EPC2: variants seen among roughly 807,000 people sequenced by gnomAD.
EPC2 encodes enhancer of polycomb homolog 2.
Under a neutral mutation model 92.1 loss-of-function variants are expected in EPC2, and 14 were observed. The ratio of observed to expected loss-of-function variants is 0.15; its 90% confidence interval spans 0.10 to 0.24. The LOEUF is 0.24. EPC2 is among the 10% of genes least tolerant of loss of function. The pLI is 1.00. For missense variants in EPC2, 755 were observed against 971.5 expected (o/e 0.78, Z 2.96); for synonymous variants, 340 against 334.7 (o/e 1.02, Z -0.17).
chr2:148,682,778 G>C (rs1241819466), intron 1 of EPC2, among the ~76,000 whole-genome samples: 2 of 152,070 alleles, frequency 1.3e-5, no homozygotes, highest in Admixed American at 6.5e-5. Context: ...ATGGCCAATC[G>C]TGTTTTGTCT....
intron 1 of EPC2, among the ~76,000 whole-genome samples, chr2:148,675,321 C>T (rs78398934): frequency 6.6e-6 from 1 of 151,820 alleles, no homozygotes; most frequent in Non-Finnish European, 1.5e-5. Flanking sequence ...TAAAATTTTT[C>T]GTATCCCTAA....
chr2:148,698,406 G>A (rs1681796166), intron 2 of EPC2, among the ~76,000 whole-genome samples: 1 of 152,166 alleles, frequency 6.6e-6, no homozygotes, highest in East Asian at 1.9e-4. Context: ...GGGAGGCTGA[G>A]GCGGGTGGAT....
At position 148,744,996 on chromosome 2, in the gene EPC2, C is replaced by CCCG. The variant is rs1553448435; in HGVS notation, c.459+1231_459+1232insGCC. 7.4e-5 allele frequency among the ~76,000 whole-genome samples: 9 copies of CCCG among 122,228 alleles called. 2 individuals carry two copies. The highest frequency in any genetic ancestry group is 1.5e-4 in the Non-Finnish European group (8 of 52,354). 80.2% of individuals were successfully genotyped at this position (122,228 alleles called of 152,430 possible). ...TATTTAGCCTATCAGTTTGCCCCCC[C>CCCG]CCCCCGCACCATTTTGATGAAAAAT... On this transcript the variant is annotated intron_variant, in intron 3 of 13. Transcript: ENST00000258484.
chr2:148,767,613 C>A (rs968383200), intron 7 of EPC2, among the ~76,000 whole-genome samples: 1 of 152,122 alleles, frequency 6.6e-6, no homozygotes, highest in African/African-American at 2.4e-5. Context: ...TCATATTTTT[C>A]TTTGTCTAAT....
intron 2 of EPC2, among the ~76,000 whole-genome samples, chr2:148,714,461 G>A (rs1318302393): frequency 1.3e-5 from 2 of 152,126 alleles, no homozygotes; most frequent in African/African-American, 4.8e-5. Flanking sequence ...TGGTATTTCT[G>A]CCTCTAGGTC....
chr2:148,706,884 C>T (rs1682011747), intron 2 of EPC2, among the ~76,000 whole-genome samples: 1 of 152,182 alleles, frequency 6.6e-6, no homozygotes, highest in Non-Finnish European at 1.5e-5. Context: ...GTATCAGCCA[C>T]TGCAAAAACA....
chr2:148,761,712 G>A (rs1683303273), intron 4 of EPC2, 70 bp from the exon 5 acceptor site: 3 of 1,125,214 alleles, frequency 2.7e-6, no homozygotes, highest in Non-Finnish European at 3.6e-6. Context: ...TCTGATAAGA[G>A]TTTATTGAAT....
chr2:148,690,190 T>C (rs376659919), intron 1 of EPC2, 24 bp from the exon 2 acceptor site: 19 of 1,569,126 alleles, frequency 1.2e-5, no homozygotes, highest in Non-Finnish European at 1.5e-5. Context: ...AAACAACTTA[T>C]GTTGCCTACT....
In EPC2 at chr2:148,769,208, T is replaced by C; in HGVS notation, c.1198T>C (p.Phe400Leu). The C allele has an allele frequency of 1.9e-6, 3 of 1,612,452 alleles. No homozygotes were observed. Among genetic ancestry groups the C allele is most frequent in the Non-Finnish European group, 1.7e-6 (2 of 1,179,274 alleles). ...EENDPDGPCAFRRRAGCQYYA... is the reference protein window; with the variant it reads ...EENDPDGPCALRRRAGCQYYA... ...AAATGATCCTGATGGTCCCTGTGCT[T>C]TCAGAAGGCGGGCAGGATGCCAGTA... The change falls in exon 8 of 14, where the codon TTC becomes CTC. Residue 400 changes from phenylalanine (F) to leucine (L), a missense_variant. This residue lies in a region of EPC2 where 509 missense variants were observed against 607.7 expected (regional missense o/e 0.84). Transcript: ENST00000258484.
chr2:148,662,969 T>C (rs1365092599), intron 1 of EPC2, among the ~76,000 whole-genome samples: 1 of 151,828 alleles, frequency 6.6e-6, no homozygotes, highest in Admixed American at 6.6e-5. Context: ...TGGCTGAGAA[T>C]AGTGATTCAG....
At chr2:148,646,481 A>C (rs1683803696) in intron 1 of EPC2, among the ~76,000 whole-genome samples, 1 of 152,132 alleles carries the variant, frequency 6.6e-6, no homozygotes, top group Non-Finnish European at 1.5e-5. Context: ...ATAGATATAT[A>C]TACACGCACA....
intron 5 of EPC2, among the ~76,000 whole-genome samples, chr2:148,762,391 T>G (rs982923051): frequency 6.6e-6 from 1 of 152,098 alleles, no homozygotes; most frequent in Non-Finnish European, 1.5e-5. Context: ...TTTTGTATGA[T>G]TCCTGGAGTA....
At position 148,647,976 on chromosome 2, in the gene EPC2, A is replaced by G. The variant is rs1244875366; in HGVS notation, c.153+2806A>G. 2.6e-5 allele frequency among the ~76,000 whole-genome samples: 4 copies of G among 152,338 alleles called. No individual in the cohort carries two copies. In the East Asian group the frequency reaches 7.7e-4, roughly 29 times the overall value. On this transcript the variant is annotated intron_variant, in intron 1 of 13. Coordinates refer to ENST00000258484, the MANE Select transcript of EPC2 (RefSeq NM_015630.4). ...AGCTCTTTTAGAAAGAATTATTTTC[A>G]AACTAGAGCATGAGTGCTAAACTTG...
intron 10 of EPC2, among the ~76,000 whole-genome samples, chr2:148,776,710 G>A (rs1683651124): frequency 1.3e-5 from 2 of 152,074 alleles, no homozygotes; most frequent in African/African-American, 4.8e-5. Flanking sequence ...ATATCTTTGA[G>A]AAAGCATATA....
intron 10 of EPC2, among the ~76,000 whole-genome samples, chr2:148,776,222 T>A (rs1461786952): frequency 6.6e-6 from 1 of 152,246 alleles, no homozygotes; most frequent in African/African-American, 2.4e-5. Flanking sequence ...ATTGATATAA[T>A]GTGATTTAAC....
intron 2 of EPC2, among the ~76,000 whole-genome samples, chr2:148,713,587 G>A (rs1328818809): frequency 6.6e-6 from 1 of 152,086 alleles, no homozygotes; most frequent in Non-Finnish European, 1.5e-5. Flanking sequence ...TTTGCATTCA[G>A]TCACCCCTCA....
chr2:148,755,342 A>G (rs967736211), intron 4 of EPC2, among the ~76,000 whole-genome samples: 1 of 152,180 alleles, frequency 6.6e-6, no homozygotes, highest in Non-Finnish European at 1.5e-5. Context: ...AATGTGGACT[A>G]TTGGACATGA....
At chr2:148,677,138 C>T (rs181562748) in intron 1 of EPC2, among the ~76,000 whole-genome samples, 5 of 152,280 alleles carry the variant, frequency 3.3e-5, no homozygotes, top group African/African-American at 1.2e-4. Flanking sequence ...TTATATGAAA[C>T]ACAGTCCTCT....
intron 1 of EPC2, among the ~76,000 whole-genome samples, chr2:148,676,375 T>C (rs1028464718): frequency 6.6e-6 from 1 of 151,940 alleles, no homozygotes; most frequent in Non-Finnish European, 1.5e-5. Flanking sequence ...CTATAAGAAG[T>C]GATTTTGTGT....
Sources: gnomAD v4.1 joint callset for allele counts (sites outside exome capture counted in the v4.1 genomes callset) on GRCh38, gnomAD v4.1.1 for gene constraint, gnomAD v4.1.1 regional missense constraint, MANE v1.5 for transcripts, NCBI Gene and HGNC (gene_info 2026-07-23, HGNC 2026-07-21) for gene names.